MTSS1: variants seen among roughly 807,000 people sequenced by gnomAD.
MTSS1 encodes MTSS I-BAR domain containing 1, also known as protein MTSS 1.
MTSS1 carries 18 observed loss-of-function variants against 79.0 expected under a neutral mutation model. That is an observed-to-expected ratio of 0.23 (90% CI 0.16 to 0.34). The LOEUF is 0.34. Among genes scored for constraint, MTSS1 ranks in the 10% least tolerant of loss-of-function variants. The pLI is 1.00. For missense variants in MTSS1, 815 were observed against 986.2 expected (o/e 0.83, Z 2.33); for synonymous variants, 341 against 368.6 (o/e 0.93, Z 0.86).
chr8:124,677,168 C>T (rs911985841), intron 3 of MTSS1, among the ~76,000 whole-genome samples: 2 of 152,084 alleles, frequency 1.3e-5, no homozygotes, highest in Admixed American at 1.3e-4. Context: ...CAGGGGTACA[C>T]AAATCAGGAG....
intron 3 of MTSS1, among the ~76,000 whole-genome samples, chr8:124,611,450 C>A (rs76867280): frequency 0.022 from 3,293 of 152,272 alleles, 166 homozygotes; most frequent in East Asian, 0.14. Flanking sequence ...CAGCTGTCAG[C>A]TGGCATCCCC....
At chr8:124,593,998 G>A (rs1370677254) in intron 3 of MTSS1, among the ~76,000 whole-genome samples, 1 of 152,190 alleles carries the variant, frequency 6.6e-6, no homozygotes, top group Non-Finnish European at 1.5e-5. Flanking sequence ...AGTACCAACA[G>A]GGATTGCGCT....
chr8:124,589,268 T>C (rs1426347611), intron 5 of MTSS1, among the ~76,000 whole-genome samples: 1 of 152,136 alleles, frequency 6.6e-6, no homozygotes, highest in Non-Finnish European at 1.5e-5. Flanking sequence ...TGACCTCAAG[T>C]GATCCGCCCG....
chr8:124,607,619 A>G (rs1248613830), intron 3 of MTSS1, among the ~76,000 whole-genome samples: 1 of 152,170 alleles, frequency 6.6e-6, no homozygotes, highest in East Asian at 1.9e-4. Flanking sequence ...GAGTCCCTAC[A>G]AGCTAGACAA....
chr8:124,626,771 G>C lies in MTSS1; in HGVS notation c.209-35536C>G, dbSNP rs553818086. On this transcript the variant is annotated intron_variant, in intron 3 of 13. Coordinates refer to ENST00000518547, the MANE Select transcript of MTSS1 (RefSeq NM_014751.6). ...GCTACAAGTTCTGTCTGGGACTCTG[G>C]GTTCCAGGTTTCTTCCTAGGGGCAT... Among the ~76,000 whole-genome samples the C allele has an allele frequency of 2.0e-5, 3 of 152,162 alleles. No individual in the cohort carries two copies. In the East Asian group the frequency reaches 5.8e-4, roughly 29 times the overall value.
At chr8:124,567,352 G>A (rs1826719085) in intron 7 of MTSS1, among the ~76,000 whole-genome samples, 174 bp from the exon 8 acceptor site, 1 of 152,270 alleles carries the variant, frequency 6.6e-6, no homozygotes, top group Non-Finnish European at 1.5e-5. Flanking sequence ...TTTGGGAAAT[G>A]AGATGGAAAA....
intron 6 of MTSS1, 123 bp downstream of exon 6, chr8:124,584,964 C>A: frequency 1.3e-6 from 1 of 769,436 alleles, no homozygotes; most frequent in Non-Finnish European, 2.2e-6. Context: ...GTCCTATTTG[C>A]TCCCACCTGT....
At chr8:124,621,906 C>T (rs1813598231) in intron 3 of MTSS1, among the ~76,000 whole-genome samples, 1 of 152,090 alleles carries the variant, frequency 6.6e-6, no homozygotes, top group Non-Finnish European at 1.5e-5. Flanking sequence ...AAAGATTCAA[C>T]CAGAAAGTGG....
intron 6 of MTSS1, among the ~76,000 whole-genome samples, chr8:124,574,608 C>T (rs1201559875): frequency 3.3e-5 from 5 of 152,146 alleles, no homozygotes; most frequent in East Asian, 1.9e-4. Flanking sequence ...AAATGTGATT[C>T]GTATTATCTG....
rs144960393 is a variant in MTSS1, at chr8:124,695,864, G to GTTTT, written c.208+3661_208+3662insAAAA. 3.9e-4 allele frequency among the ~76,000 whole-genome samples: 47 copies of GTTTT among 120,226 alleles called. 2 individuals carry two copies. In the South Asian group the frequency reaches 7.8e-3, roughly 20 times the overall value. The allele number at this position is 120,226 out of a possible 152,430, so 78.9% of individuals were successfully genotyped here. A position where few individuals can be genotyped will look rare whatever the true frequency, so the allele number is the denominator to read the frequency against. On this transcript the variant is annotated intron_variant, in intron 3 of 13. Transcript: ENST00000518547. ...ATTCCACATATTGTGGAAAACTAGT[G>GTTTT]TTGTTTTTTTTTTTTCCTCCCAGCA...
In MTSS1 at chr8:124,727,578, G is replaced by C. The variant is rs1428339628; in HGVS notation, c.72+306C>G. On this transcript the variant is annotated intron_variant, in intron 1 of 13. Transcript: ENST00000518547. The surrounding 1 kb of genome is among the most constrained non-coding windows in gnomAD (Gnocchi z 4.7). ...ACACTTACTTCAGGGACAGACAATGGGAAAACTTGCAGCCAGTGCCTTGAG... is the reference window on the plus strand; with the variant it reads ...ACACTTACTTCAGGGACAGACAATGCGAAAACTTGCAGCCAGTGCCTTGAG... 5.5e-6 allele frequency: 3 copies of C among 549,806 alleles called. No individual in the cohort carries two copies. Among genetic ancestry groups the C allele is most frequent in the Non-Finnish European group, 1.0e-5 (3 of 287,764 alleles). 34.1% of individuals were successfully genotyped at this position (549,806 alleles called of 1,614,324 possible).
chr8:124,702,675 C>G (rs923771656), intron 2 of MTSS1, among the ~76,000 whole-genome samples: 5 of 152,142 alleles, frequency 3.3e-5, no homozygotes, highest in Non-Finnish European at 5.9e-5. Flanking sequence ...ATCACATCAT[C>G]CCTCTCCCAC....
chr8:124,688,399 G>A (rs906406583), intron 3 of MTSS1, among the ~76,000 whole-genome samples: 1 of 151,978 alleles, frequency 6.6e-6, no homozygotes, highest in African/African-American at 2.4e-5. Flanking sequence ...ATGTGTATAT[G>A]TGTATGTGTG....
At position 124,596,087 on chromosome 8, in the gene MTSS1, G is replaced by C. The variant is rs573011493; in HGVS notation, c.209-4852C>G. On this transcript the variant is annotated intron_variant, in intron 3 of 13. Coordinates refer to ENST00000518547, the MANE Select transcript of MTSS1 (RefSeq NM_014751.6). Reference sequence around the variant, plus strand: ...CCTCAGGATGACACTGCTGTGGACAGAAGAGAAAGGGCCTGAGTCTCCAGT... The same window carrying C: ...CCTCAGGATGACACTGCTGTGGACACAAGAGAAAGGGCCTGAGTCTCCAGT... Among the ~76,000 whole-genome samples the C allele has an allele frequency of 2.0e-5, 3 of 152,352 alleles. No individual in the cohort carries two copies. In the South Asian group the frequency reaches 6.2e-4, roughly 32 times the overall value.
At chr8:124,618,681 C>T (rs73341884) in intron 3 of MTSS1, among the ~76,000 whole-genome samples, 2,770 of 152,334 alleles carry the variant, frequency 0.018, 79 homozygotes, top group African/African-American at 0.061. Flanking sequence ...CACACTGGCT[C>T]TGCAATGACT....
At chr8:124,717,078 A>T (rs1458728050) in intron 1 of MTSS1, among the ~76,000 whole-genome samples, 1 of 151,218 alleles carries the variant, frequency 6.6e-6, no homozygotes, top group African/African-American at 2.4e-5. Flanking sequence ...GGGCTTCTGC[A>T]CATGCTCTCT....
intron 9 of MTSS1, chr8:124,563,280 G>A: frequency 2.4e-6 from 1 of 424,794 alleles, no homozygotes; most frequent in East Asian, 5.1e-5. Flanking sequence ...TTACGAGGGA[G>A]GTCTGGGGTT....
intron 3 of MTSS1, among the ~76,000 whole-genome samples, chr8:124,621,003 C>A (rs1813395063): frequency 6.6e-6 from 1 of 152,112 alleles, no homozygotes; most frequent in Non-Finnish European, 1.5e-5. Flanking sequence ...GAATCAAGAC[C>A]AGGGAAGGCC....
In MTSS1 at chr8:124,707,478, G is replaced by A. The variant is rs533660284; in HGVS notation, c.73-3287C>T. 5.3e-5 allele frequency among the ~76,000 whole-genome samples: 8 copies of A among 152,130 alleles called. No homozygotes were observed. In the East Asian group the frequency reaches 9.7e-4, roughly 18 times the overall value. On this transcript the variant is annotated intron_variant, in intron 1 of 13. Transcript: ENST00000518547. ...CACGCCTGTAATCCCAGCATTTTAG[G>A]AGGCAGGTGGATGAGGAGGTCAGGA... is the stretch of plus-strand genomic sequence containing the variant.
Sources: gnomAD v4.1 joint callset for allele counts (sites outside exome capture counted in the v4.1 genomes callset) on GRCh38, gnomAD v4.1.1 for gene constraint, Gnocchi (gnomAD v3.1) non-coding constraint, MANE v1.5 for transcripts, NCBI Gene and HGNC (gene_info 2026-07-23, HGNC 2026-07-21) for gene names.